CPB2: variants seen among roughly 807,000 people sequenced by gnomAD.
CPB2 encodes carboxypeptidase B2.
CPB2 carries 54 observed loss-of-function variants against 57.0 expected under a neutral mutation model. That is an observed-to-expected ratio of 0.95 (90% CI 0.76 to 1.19). CPB2 has a LOEUF of 1.19. CPB2 is among the 50% of genes most tolerant of loss of function. The probability of loss-of-function intolerance (pLI) is 0.00; values close to 1 mark genes in which losing one functional copy is unlikely to be tolerated. For synonymous variants in CPB2, 189 were observed against 178.1 expected (o/e 1.06, Z -0.49); for missense variants, 426 against 512.0 (o/e 0.83, Z 1.62).
intron 2 of CPB2, among the ~76,000 whole-genome samples, chr13:46,086,165 G>T (rs2045200430): frequency 6.6e-6 from 1 of 152,076 alleles, no homozygotes; most frequent in African/African-American, 2.4e-5. Context: ...GTCCTGCCTC[G>T]GGGAGTTCTT....
chr13:46,081,934 A>G (rs1307382917), intron 4 of CPB2, among the ~76,000 whole-genome samples: 1 of 152,192 alleles, frequency 6.6e-6, no homozygotes, highest in Non-Finnish European at 1.5e-5. Flanking sequence ...AAAAAAATCC[A>G]ATTTCTTACA....
intron 1 of CPB2, among the ~76,000 whole-genome samples, chr13:46,102,736 T>TA (rs1482998785): frequency 3.9e-5 from 6 of 152,150 alleles, no homozygotes; most frequent in Non-Finnish European, 7.4e-5. Flanking sequence ...AAACATTTGG[T>TA]AAAAAAATTT....
chr13:46,082,588 G>C (rs746434627), intron 3 of CPB2, 39 bp from the exon 4 acceptor site: 2 of 1,403,572 alleles, frequency 1.4e-6, no homozygotes, highest in Admixed American at 3.4e-5. Context: ...TTTCCAAGCA[G>C]AGGGTGGATC....
intron 2 of CPB2, among the ~76,000 whole-genome samples, chr13:46,087,543 G>A (rs2045228938): frequency 6.6e-6 from 1 of 152,158 alleles, no homozygotes; most frequent in Non-Finnish European, 1.5e-5. Context: ...TTATGAAATT[G>A]GCTGGAAAGC....
intron 1 of CPB2, among the ~76,000 whole-genome samples, chr13:46,088,788 C>A (rs2045248114): frequency 6.6e-6 from 1 of 152,058 alleles, no homozygotes; most frequent in Admixed American, 6.6e-5. Context: ...GATTATCGGC[C>A]ATTCATATTT....
intron 6 of CPB2, among the ~76,000 whole-genome samples, chr13:46,069,990 CAT>C (rs1187659425): frequency 6.6e-6 from 1 of 152,170 alleles, no homozygotes; most frequent in Non-Finnish European, 1.5e-5. Context: ...TGGCAAGTAA[CAT>C]AACTGAAATC....
chr13:46,084,912 G>A (rs1315983538), intron 2 of CPB2, among the ~76,000 whole-genome samples: 1 of 150,144 alleles, frequency 6.7e-6, no homozygotes. Flanking sequence ...GTGCAGTGGC[G>A]CGATCTTGGC....
intron 5 of CPB2, among the ~76,000 whole-genome samples, chr13:46,077,157 AT>A (rs1277882774): frequency 6.6e-6 from 1 of 152,164 alleles, no homozygotes; most frequent in Non-Finnish European, 1.5e-5. Context: ...GGGAGAAAAT[AT>A]GTGCAAGCTA....
intron 1 of CPB2, chr13:46,101,149 T>A (rs1186516111): frequency 3.3e-5 from 5 of 152,148 alleles, no homozygotes; most frequent in Admixed American, 6.5e-5. Flanking sequence ...CAATCCCATG[T>A]GGCCAACTGA....
At chr13:46,092,477 T>A (rs534201177) in intron 1 of CPB2, among the ~76,000 whole-genome samples, 3 of 152,356 alleles carry the variant, frequency 2.0e-5, no homozygotes, top group African/African-American at 7.2e-5. Context: ...TTGGCAACTT[T>A]TCTGTAAATC....
chr13:46,057,439 T>C (rs886494095), intron 9 of CPB2, among the ~76,000 whole-genome samples: 1 of 152,192 alleles, frequency 6.6e-6, no homozygotes, highest in Non-Finnish European at 1.5e-5. Context: ...AACAAGCTAC[T>C]ACCTAAAAAT....
chr13:46,055,857 C>A lies in CPB2; in HGVS notation c.1000-8G>T. ...TTCACTGGCTACTAGAGACTGGAAG[C>A]AACAAGATATAGAATTTCAGTTAAT... On this transcript the variant is annotated splice_polypyrimidine_tract_variant and splice_region_variant and intron_variant, in intron 9 of 10. Transcript: ENST00000181383. 6.6e-7 allele frequency: 1 copy of A among 1,524,494 alleles called. No homozygotes were observed. Among genetic ancestry groups the A allele is most frequent in the Non-Finnish European group, 9.0e-7 (1 of 1,111,938 alleles). The allele number at this position is 1,524,494 out of a possible 1,614,324, so 94.4% of individuals were successfully genotyped here. A position where few individuals can be genotyped will look rare whatever the true frequency, so the allele number is the denominator to read the frequency against.
At chr13:46,076,187 T>A (rs569822992) in intron 5 of CPB2, among the ~76,000 whole-genome samples, 2 of 152,058 alleles carry the variant, frequency 1.3e-5, no homozygotes, top group Non-Finnish European at 2.9e-5. Flanking sequence ...GCATCTAAAT[T>A]GGAAGGGAAA....
intron 6 of CPB2, among the ~76,000 whole-genome samples, 169 bp downstream of exon 6, chr13:46,073,704 A>C (rs569906479): frequency 6.6e-6 from 1 of 151,142 alleles, no homozygotes; most frequent in South Asian, 2.1e-4. Flanking sequence ...ATGTTCTTCA[A>C]CTTACTAATG....
chr13:46,056,249 C>A (rs2044695221), intron 9 of CPB2, among the ~76,000 whole-genome samples: 1 of 152,184 alleles, frequency 6.6e-6, no homozygotes, highest in Admixed American at 6.5e-5. Flanking sequence ...TAAACACATA[C>A]AAACACCTAA....
intron 1 of CPB2, among the ~76,000 whole-genome samples, chr13:46,102,761 AAAGAGTAGTTTGCAAT>A (rs2045452403): frequency 1.3e-5 from 2 of 152,264 alleles, no homozygotes; most frequent in South Asian, 4.1e-4. Flanking sequence ...TTACTCACAG[AAAGAGTAGTTTGCAAT>A]GTTATTTCCA....
chr13:46,053,564 C>G lies in CPB2; in HGVS notation c.*50G>C. The G allele has an allele frequency of 1.3e-6, 2 of 1,585,388 alleles. No individual in the cohort carries two copies. The highest frequency in any genetic ancestry group is 1.7e-6 in the Non-Finnish European group (2 of 1,162,896). On this transcript the variant is annotated 3_prime_UTR_variant, in exon 11 of 11. Transcript: ENST00000181383. ...AATTTGATACAATGATTTGGTCTTG[C>G]TGGAATCAGTAAATTAAAATACGGA...
intron 2 of CPB2, among the ~76,000 whole-genome samples, chr13:46,084,832 T>C (rs948123944): frequency 6.6e-6 from 1 of 151,052 alleles, no homozygotes; most frequent in Non-Finnish European, 1.5e-5. Flanking sequence ...TGCTTTTTAT[T>C]TATTTATTTA....
chr13:46,059,577 TATCATCATCATC>T lies in CPB2; in HGVS notation c.797-1208_797-1197del, dbSNP rs10571812. Among the ~76,000 whole-genome samples, 1,284 of 150,058 alleles carry T rather than the reference TATCATCATCATC, an allele frequency of 8.6e-3. 14 individuals carry two copies. The highest frequency in any genetic ancestry group is 0.026 in the African/African-American group (1,078 of 40,702). Reference sequence around the variant, plus strand: ...TATGCATTTCATAACTGTTGCTGTTTATCATCATCATCATCATCATCATCATCATCATCATCA... The same window carrying T: ...TATGCATTTCATAACTGTTGCTGTTTATCATCATCATCATCATCATCATCA... On this transcript the variant is annotated intron_variant, in intron 8 of 10. Transcript: ENST00000181383.
Sources: gnomAD v4.1 joint callset for allele counts (sites outside exome capture counted in the v4.1 genomes callset) on GRCh38, gnomAD v4.1.1 for gene constraint, MANE v1.5 for transcripts, NCBI Gene and HGNC (gene_info 2026-07-23, HGNC 2026-07-21) for gene names.